Variants in FSTL5 observed in about 807,000 individuals in gnomAD.
FSTL5 encodes the protein follistatin-related protein 5.
FSTL5 carries 62 observed loss-of-function variants against 89.1 expected under a neutral mutation model. The observed-to-expected ratio is 0.70, with a 90% CI of 0.57 to 0.86. The LOEUF is 0.86. Among genes scored for constraint, FSTL5 ranks in the 40% least tolerant of loss-of-function variants. FSTL5 has a pLI of 0.00. For missense variants in FSTL5, 1,057 were observed against 1,001.6 expected (o/e 1.06, Z -0.75); for synonymous variants, 383 against 346.2 (o/e 1.11, Z -1.18).
rs776638500 is a variant in FSTL5 at position 161,386,174 on chromosome 4, AGGTAGT to A, written c.2111_2116del (p.His704_Tyr705del). On this transcript the variant is annotated inframe_deletion, in exon 16 of 16. Coordinates refer to ENST00000306100, the MANE Select transcript of FSTL5 (RefSeq NM_020116.5). ...ACCTTTCACATCATTAATGCTGACAAGGTAGTGGCCATCTGGAGAGACATATGGAGT... is the reference window on the plus strand; with the variant it reads ...ACCTTTCACATCATTAATGCTGACAAGGCCATCTGGAGAGACATATGGAGT... The A allele has an allele frequency of 6.2e-7, 1 of 1,614,008 alleles. No homozygotes were observed. Among genetic ancestry groups the A allele is most frequent in the Admixed American group, 1.7e-5 (1 of 59,986 alleles).
intron 7 of FSTL5, among the ~76,000 whole-genome samples, chr4:161,595,962 A>G (rs368410914): frequency 6.6e-6 from 1 of 152,004 alleles, no homozygotes; most frequent in East Asian, 1.9e-4. Context: ...CATTAAAGTA[A>G]CTTATTTTCA....
intron 4 of FSTL5, among the ~76,000 whole-genome samples, chr4:161,894,798 C>T (rs1057231485): frequency 2.6e-5 from 4 of 152,084 alleles, no homozygotes; most frequent in Non-Finnish European, 5.9e-5. Flanking sequence ...CATATACACA[C>T]GTTATGTTTG....
chr4:161,873,595 A>AATAT (rs141701026), intron 4 of FSTL5, among the ~76,000 whole-genome samples: 1 of 140,930 alleles, frequency 7.1e-6, no homozygotes, highest in South Asian at 2.3e-4. Flanking sequence ...AAGATATTTA[A>AATAT]ATATATATAT....
intron 4 of FSTL5, among the ~76,000 whole-genome samples, chr4:161,816,288 G>A (rs1466550129): frequency 6.6e-6 from 1 of 152,158 alleles, no homozygotes; most frequent in East Asian, 1.9e-4. Flanking sequence ...TATAGAATGT[G>A]TAATTTTATG....
intron 7 of FSTL5, among the ~76,000 whole-genome samples, chr4:161,598,145 G>A (rs990553280): frequency 1.1e-4 from 16 of 152,078 alleles, no homozygotes; most frequent in African/African-American, 3.9e-4. Flanking sequence ...GTTGAGGCGG[G>A]TAGATCTCAA....
At chr4:162,157,991 G>A (rs1299276672) in intron 1 of FSTL5, among the ~76,000 whole-genome samples, 4 of 152,044 alleles carry the variant, frequency 2.6e-5, no homozygotes, top group South Asian at 4.1e-4. Context: ...TCAAGAGCCC[G>A]CCTTAGATTA....
intron 15 of FSTL5, among the ~76,000 whole-genome samples, chr4:161,404,078 G>A (rs1731276666): frequency 6.6e-6 from 1 of 152,290 alleles, no homozygotes; most frequent in Non-Finnish European, 1.5e-5. Context: ...TTGCTCCCAA[G>A]TGACTGTGTT....
chr4:161,863,084 T>C (rs558282687), intron 4 of FSTL5, among the ~76,000 whole-genome samples: 5 of 152,332 alleles, frequency 3.3e-5, no homozygotes, highest in Middle Eastern at 3.4e-3. Flanking sequence ...CATTTTTCTA[T>C]CAGTTATAAC....
Position 161,487,800 on chromosome 4 carries a change from T to A in FSTL5, c.1459-6631A>T, listed in dbSNP as rs1416966801. ...AATAAAATACTTGGAGATATAATGT[T>A]CAGTTTATCAAATGCAAGGAATATA... On this transcript the variant is annotated intron_variant, in intron 12 of 15. Transcript: ENST00000306100. Among the ~76,000 whole-genome samples, 3 of 152,076 alleles carry A rather than the reference T, an allele frequency of 2.0e-5. No individual in the cohort carries two copies. In the East Asian group the frequency reaches 5.8e-4, roughly 29 times the overall value.
chr4:161,481,216 C>G (rs1729493094), intron 12 of FSTL5, 47 bp from the exon 13 acceptor site: 1 of 1,450,700 alleles, frequency 6.9e-7, no homozygotes, highest in Non-Finnish European at 9.5e-7. Flanking sequence ...TAAATTATAA[C>G]ACATGCCTGA....
intron 12 of FSTL5, chr4:161,495,071 A>AAACAAC (rs70937657): frequency 6.6e-6 from 1 of 152,122 alleles, no homozygotes; most frequent in East Asian, 1.9e-4. Flanking sequence ...CAATAAAACA[A>AAACAAC]AACAACAACA....
chr4:161,591,084 T>C (rs1358002734), intron 7 of FSTL5, among the ~76,000 whole-genome samples: 1 of 152,242 alleles, frequency 6.6e-6, no homozygotes, highest in Non-Finnish European at 1.5e-5. Context: ...CAATGGAGTA[T>C]TATTTGACAA....
intron 3 of FSTL5, among the ~76,000 whole-genome samples, chr4:161,956,252 G>A (rs948136163): frequency 6.8e-6 from 1 of 146,556 alleles, no homozygotes; most frequent in Admixed American, 7.0e-5. Context: ...TTACAACCAA[G>A]TTTAGTTCTT....
At chr4:161,880,589 T>C (rs1732596689) in intron 4 of FSTL5, among the ~76,000 whole-genome samples, 1 of 152,142 alleles carries the variant, frequency 6.6e-6, no homozygotes, top group Admixed American at 6.6e-5. Flanking sequence ...CACAAAACCA[T>C]GTACATGAAT....
chr4:162,163,165 A>G (rs1475869055), intron 1 of FSTL5, among the ~76,000 whole-genome samples: 1 of 152,116 alleles, frequency 6.6e-6, no homozygotes, highest in African/African-American at 2.4e-5. Context: ...TAGGAATAAT[A>G]TTGATGATTA....
At chr4:161,523,768 T>G (rs1731113130) in intron 10 of FSTL5, among the ~76,000 whole-genome samples, 1 of 152,200 alleles carries the variant, frequency 6.6e-6, no homozygotes. Context: ...AATTGGAATT[T>G]GAATTAAACC....
chr4:161,561,705 AAAATAATAG>A (rs757970084), intron 8 of FSTL5, among the ~76,000 whole-genome samples: 1 of 152,050 alleles, frequency 6.6e-6, no homozygotes, highest in Non-Finnish European at 1.5e-5. Flanking sequence ...GAAAAAGCAA[AAAATAATAG>A]TAGCTTGTAA....
chr4:161,561,821 T>G (rs1412240950), intron 8 of FSTL5, among the ~76,000 whole-genome samples: 2 of 151,986 alleles, frequency 1.3e-5, no homozygotes, highest in Non-Finnish European at 2.9e-5. Flanking sequence ...GTTCAAAGTT[T>G]GGAGGGCAGA....
At chr4:161,435,687 T>C (rs1732535292) in intron 15 of FSTL5, among the ~76,000 whole-genome samples, 1 of 150,914 alleles carries the variant, frequency 6.6e-6, no homozygotes, top group Non-Finnish European at 1.5e-5. Flanking sequence ...CTGTAATCCA[T>C]ATATATGTAT....
Sources: gnomAD v4.1 joint callset for allele counts (sites outside exome capture counted in the v4.1 genomes callset) on GRCh38, gnomAD v4.1.1 for gene constraint, MANE v1.5 for transcripts, NCBI Gene and HGNC (gene_info 2026-07-23, HGNC 2026-07-21) for gene names.